ANO4: variants seen among roughly 807,000 people sequenced by gnomAD.
The protein encoded by ANO4 is anoctamin 4, also known as anoctamin-4.
In ANO4, 69 loss-of-function variants were observed where a neutral mutation model predicts 141.9. That is an observed-to-expected ratio of 0.49 (90% CI 0.40 to 0.59). The LOEUF is 0.59. ANO4 is among the 20% of genes least tolerant of loss of function. ANO4 has a pLI of 0.00. For missense variants in ANO4, 894 were observed against 1,162.2 expected (o/e 0.77, Z 3.36); for synonymous variants, 350 against 394.3 (o/e 0.89, Z 1.33).
chr12:100,717,444 G>A (rs993833199), upstream of ANO4: 11 of 394,588 alleles, frequency 2.8e-5, no homozygotes, highest in East Asian at 7.2e-5. Context: ...TGCACTCGCC[G>A]GGCCGGGCCG....
intron 3 of ANO4, among the ~76,000 whole-genome samples, chr12:100,775,896 T>C (rs2033485719): frequency 6.6e-6 from 1 of 152,098 alleles, no homozygotes; most frequent in South Asian, 2.1e-4. Flanking sequence ...TTTAAGTACC[T>C]ATGATTTCTT....
At chr12:101,040,238 G>C (rs1469130187) in intron 11 of ANO4, among the ~76,000 whole-genome samples, 162 bp downstream of exon 11, 3 of 152,180 alleles carry the variant, frequency 2.0e-5, no homozygotes, top group African/African-American at 7.2e-5. Flanking sequence ...GACATCAGCT[G>C]TTCTTGGTAA....
At position 100,806,523 on chromosome 12, in the gene ANO4, CGT is replaced by C. The variant is rs2035040983; in HGVS notation, c.-141+11497_-141+11498del. Among the ~76,000 whole-genome samples, 54 of 44,980 alleles carry C rather than the reference CGT, an allele frequency of 1.2e-3. 13 individuals carry two copies. Among genetic ancestry groups the C allele is most frequent in the Non-Finnish European group, 1.9e-3 (42 of 22,624 alleles). The allele number at this position is 44,980 out of a possible 152,430, so 29.5% of individuals were successfully genotyped here. A position where few individuals can be genotyped will look rare whatever the true frequency, so the allele number is the denominator to read the frequency against. On this transcript the variant is annotated intron_variant, in intron 1 of 27. Transcript: ENST00000392977. ...TTTTTAGGAGGTTTTTTTTTTGTTT[CGT>C]TTTTTTTTTTTTTTTTTTTTTTTTT...
chr12:101,071,943 G>A (rs948786029), intron 14 of ANO4, among the ~76,000 whole-genome samples: 1 of 152,160 alleles, frequency 6.6e-6, no homozygotes, highest in African/African-American at 2.4e-5. Flanking sequence ...GTATAAGTCT[G>A]TCTAAATGCC....
chr12:100,944,469 A>G (rs2042637075), intron 5 of ANO4, among the ~76,000 whole-genome samples: 1 of 146,624 alleles, frequency 6.8e-6, no homozygotes, highest in Non-Finnish European at 1.5e-5. Context: ...AAACATCATA[A>G]AAACTTATCT....
chr12:101,072,712 A>G (rs1487897086), intron 14 of ANO4, among the ~76,000 whole-genome samples: 1 of 152,178 alleles, frequency 6.6e-6, no homozygotes, highest in Admixed American at 6.5e-5. Context: ...GCTAATATCC[A>G]GAATCTACAA....
chr12:100,958,055 A>C (rs977504019), intron 5 of ANO4, among the ~76,000 whole-genome samples: 2 of 152,056 alleles, frequency 1.3e-5, no homozygotes, highest in Non-Finnish European at 2.9e-5. Flanking sequence ...CTTAGCTTTG[A>C]TTCTGTAGTT....
chr12:101,122,281 G>C (rs2051128875), intron 26 of ANO4, among the ~76,000 whole-genome samples: 2 of 152,110 alleles, frequency 1.3e-5, no homozygotes, highest in Non-Finnish European at 2.9e-5. Context: ...TACAGATTCT[G>C]GGTATTAGAC....
intron 3 of ANO4, among the ~76,000 whole-genome samples, chr12:100,742,224 G>GT (rs2031899752): frequency 6.6e-6 from 1 of 152,036 alleles, no homozygotes; most frequent in South Asian, 2.1e-4. Flanking sequence ...ATAGATGCTG[G>GT]TATAGTTTTT....
chr12:100,901,691 A>G lies in ANO4; in HGVS notation c.-95A>G, dbSNP rs768834845. ...GGGGCTGAAAAGCGTTTGCAAATCC[A>G]TCAACGGCGAAGTGTGGCAAGCCGC... On this transcript the variant is annotated 5_prime_UTR_variant, in exon 2 of 28. Transcript: ENST00000392977. 5 of 1,087,308 alleles carry G rather than the reference A, an allele frequency of 4.6e-6. No individual in the cohort carries two copies. The highest frequency in any genetic ancestry group is 7.1e-6 in the Non-Finnish European group (5 of 699,712). The allele number at this position is 1,087,308 out of a possible 1,614,324, so 67.4% of individuals were successfully genotyped here. A position where few individuals can be genotyped will look rare whatever the true frequency, so the allele number is the denominator to read the frequency against.
At chr12:100,969,355 G>C (rs2043820739) in intron 5 of ANO4, among the ~76,000 whole-genome samples, 1 of 152,170 alleles carries the variant, frequency 6.6e-6, no homozygotes, top group Non-Finnish European at 1.5e-5. Context: ...CTGCCAGAAA[G>C]TTAGACTTTT....
chr12:100,796,980 A>G (rs1436798785), intron 1 of ANO4, among the ~76,000 whole-genome samples: 1 of 152,226 alleles, frequency 6.6e-6, no homozygotes, highest in East Asian at 1.9e-4. Context: ...GCAATTTCAG[A>G]ATCATTTAGA....
intron 1 of ANO4, among the ~76,000 whole-genome samples, chr12:100,819,735 T>C (rs1438777699): frequency 5.3e-5 from 8 of 152,046 alleles, no homozygotes; most frequent in Admixed American, 1.3e-4. Context: ...TTCTGAGTTT[T>C]TAATTTGTTG....
intron 5 of ANO4, among the ~76,000 whole-genome samples, chr12:100,948,117 C>A (rs1031059239): frequency 7.4e-6 from 1 of 135,736 alleles, no homozygotes; most frequent in Admixed American, 7.9e-5. Context: ...TGCCACTGCA[C>A]TGCAGCCTGG....
chr12:100,772,211 G>A (rs2033329377), intron 3 of ANO4, among the ~76,000 whole-genome samples: 1 of 152,208 alleles, frequency 6.6e-6, no homozygotes, highest in Non-Finnish European at 1.5e-5. Context: ...CATGACATGG[G>A]ACTATAGCTC....
chr12:100,879,044 T>C (rs1470502583), intron 1 of ANO4, among the ~76,000 whole-genome samples: 1 of 152,148 alleles, frequency 6.6e-6, no homozygotes, highest in Non-Finnish European at 1.5e-5. Flanking sequence ...TTTATCTCTA[T>C]ATTGGGGTAC....
intron 23 of ANO4, among the ~76,000 whole-genome samples, chr12:101,111,280 G>A (rs2050655791): frequency 6.6e-6 from 1 of 152,274 alleles, no homozygotes; most frequent in African/African-American, 2.4e-5. Flanking sequence ...GACATTATGT[G>A]TGCTGATCCT....
At chr12:100,972,586 A>G (rs1023551190) in intron 6 of ANO4, among the ~76,000 whole-genome samples, 1 of 152,196 alleles carries the variant, frequency 6.6e-6, no homozygotes, top group African/African-American at 2.4e-5. Flanking sequence ...AGGAATACAT[A>G]TATATATCCA....
chr12:100,973,321 A>G (rs2044010904), intron 6 of ANO4, among the ~76,000 whole-genome samples: 1 of 152,244 alleles, frequency 6.6e-6, no homozygotes, highest in South Asian at 2.1e-4. Flanking sequence ...AACAAAATGT[A>G]CAAACATCAT....
Sources: gnomAD v4.1 joint callset for allele counts (sites outside exome capture counted in the v4.1 genomes callset) on GRCh38, gnomAD v4.1.1 for gene constraint, MANE v1.5 for transcripts, NCBI Gene and HGNC (gene_info 2026-07-23, HGNC 2026-07-21) for gene names.